DCPS: variants seen among roughly 807,000 people sequenced by gnomAD.
The protein encoded by DCPS is m7GpppX diphosphatase.
DCPS carries 27 observed loss-of-function variants against 34.7 expected under a neutral mutation model. The observed-to-expected ratio is 0.78, with a 90% CI of 0.57 to 1.07. DCPS has a LOEUF of 1.07. Among genes scored for constraint, DCPS ranks in the 50% least tolerant of loss-of-function variants. The pLI is 0.00. For synonymous variants in DCPS, 185 were observed against 185.7 expected, an observed-to-expected ratio of 1.00 and a Z score of 0.03; for missense variants, 464 against 436.9, an observed-to-expected ratio of 1.06 and a Z score of -0.55.
chr11:126,307,683 A>G (rs1000568598), intron 2 of DCPS, among the ~76,000 whole-genome samples: 1 of 152,200 alleles, frequency 6.6e-6, no homozygotes, highest in Non-Finnish European at 1.5e-5. Flanking sequence ...CTGGGATTAC[A>G]GGTGTGAGCC....
Position 126,306,598 on chromosome 11 carries a change from G to A in DCPS, c.230G>A (p.Gly77Glu), listed in dbSNP as rs1951569297. 2.5e-6 allele frequency: 4 copies of A among 1,612,140 alleles called. No homozygotes were observed. The South Asian group carries it at 3.3e-5, about 13-fold the overall frequency. ...KVNEASGDGD[G>E]EDAVVILEKT... ...AATGAGGCCTCTGGGGATGGGGATGGAGAGGATGCCGTTGTGATCCTGGAG... is the reference window on the plus strand; with the variant it reads ...AATGAGGCCTCTGGGGATGGGGATGAAGAGGATGCCGTTGTGATCCTGGAG... Residue 77 changes from glycine to glutamate, a missense_variant, in exon 2 of 6, where the codon GGA becomes GAA. Gly to Glu is a moderately conservative substitution (Grantham distance 98, BLOSUM62 -2). Coordinates refer to ENST00000263579, the MANE Select transcript of DCPS (RefSeq NM_014026.6).
At chr11:126,307,965 C>G (rs1403456591) in intron 2 of DCPS, among the ~76,000 whole-genome samples, 1 of 152,144 alleles carries the variant, frequency 6.6e-6, no homozygotes, top group Non-Finnish European at 1.5e-5. Flanking sequence ...GTGGGCCGGC[C>G]AGTGTGTCTG....
At position 126,349,501 on chromosome 11, in the gene DCPS, T is replaced by C. The variant is rs35887873; in HGVS notation, c.*3888T>C. Among the ~76,000 whole-genome samples, 32,280 of 152,212 alleles carry C rather than the reference T, an allele frequency of 0.21. 3,727 individuals are homozygous for C. The highest frequency in any genetic ancestry group is 0.27 in the African/African-American group (11,192 of 41,520). On this transcript the variant is annotated 3_prime_UTR_variant, in exon 6 of 6. Transcript: ENST00000263579. The surrounding 1 kb of genome is among the most constrained non-coding windows in gnomAD (Gnocchi z 5.4). ...AACTTTCCTAATAGAGCAAAATTGC[T>C]GAGTGGTCTCTATTTACCAACATGA...
intron 1 of DCPS, 78 bp downstream of exon 1, chr11:126,304,359 C>T: frequency 1.4e-6 from 2 of 1,440,444 alleles, no homozygotes; most frequent in Non-Finnish European, 9.7e-7. Flanking sequence ...TTTTTTTTTT[C>T]GGATCTCGGC....
chr11:126,313,423 A>G lies in DCPS; in HGVS notation c.376+6679A>G, dbSNP rs1390560220. Among the ~76,000 whole-genome samples, 1 of 152,196 alleles carries G rather than the reference A, an allele frequency of 6.6e-6. No individual in the cohort carries two copies. Among genetic ancestry groups the G allele is most frequent in the Non-Finnish European group, 1.5e-5 (1 of 68,050 alleles). ...GCTTGGTAGCATTGTTAATGATAGAACAAACTAGAAACAATCAAATAACAG... is the reference window on the plus strand; with the variant it reads ...GCTTGGTAGCATTGTTAATGATAGAGCAAACTAGAAACAATCAAATAACAG... On this transcript the variant is annotated intron_variant, in intron 2 of 5. Coordinates refer to ENST00000263579, the MANE Select transcript of DCPS (RefSeq NM_014026.6). The surrounding 1 kb of genome is among the most constrained non-coding windows in gnomAD (Gnocchi z 4.9).
In DCPS at chr11:126,333,025, T is replaced by C. The variant is rs1458175266; in HGVS notation, c.522+1475T>C. On this transcript the variant is annotated intron_variant, in intron 3 of 5. Transcript: ENST00000263579. This position sits in a 1 kb window ranked among gnomAD's most constrained non-coding sequence, Gnocchi z 5.7. ...CCTGGCTACTTTTTTGTATTTTTAG[T>C]AGAGATGGGGTTTTGCCATGTTGCT... Among the ~76,000 whole-genome samples, 1 of 152,146 alleles carries C rather than the reference T, an allele frequency of 6.6e-6. No homozygotes were observed. Among genetic ancestry groups the C allele is most frequent in the African/African-American group, 2.4e-5 (1 of 41,438 alleles).
At chr11:126,330,008 C>T (rs1400075181) in intron 2 of DCPS, among the ~76,000 whole-genome samples, 1 of 152,064 alleles carries the variant, frequency 6.6e-6, no homozygotes, top group East Asian at 1.9e-4. Flanking sequence ...TGTTAAAACA[C>T]AATGTATACA....
intron 2 of DCPS, among the ~76,000 whole-genome samples, chr11:126,314,986 AT>A (rs1409836397): frequency 1.3e-5 from 2 of 152,170 alleles, no homozygotes; most frequent in East Asian, 1.9e-4. Flanking sequence ...AAATAAAAAA[AT>A]AAAAAAATTT....
rs780707438 is a variant in DCPS at position 126,328,688 on chromosome 11, C to A, written c.377-2717C>A. ...GGGTGACCCTGCCCGCAGAACCCGG[C>A]TGCTCTCCAGCGCCCGCTCTGCCTC... On this transcript the variant is annotated intron_variant, in intron 2 of 5. Coordinates refer to ENST00000263579, the MANE Select transcript of DCPS (RefSeq NM_014026.6). The surrounding 1 kb of genome is among the most constrained non-coding windows in gnomAD (Gnocchi z 6.6). Among the ~76,000 whole-genome samples, 3 of 152,192 alleles carry A rather than the reference C, an allele frequency of 2.0e-5. No individual in the cohort carries two copies. The highest frequency in any genetic ancestry group is 7.2e-5 in the African/African-American group (3 of 41,454).
Position 126,345,671 on chromosome 11 carries a change from T to G in DCPS, c.*58T>G. 6.4e-7 allele frequency: 1 copy of G among 1,571,488 alleles called. No individual in the cohort carries two copies. Among genetic ancestry groups the G allele is most frequent in the Non-Finnish European group, 8.6e-7 (1 of 1,161,084 alleles). ...GATTGGGGGAGGAGTGGGGACAAGA[T>G]TTTTTATCTCCAAGTGAATTTTCTA... On this transcript the variant is annotated 3_prime_UTR_variant, in exon 6 of 6. Transcript: ENST00000263579. The surrounding 1 kb of genome is among the most constrained non-coding windows in gnomAD (Gnocchi z 7.4).
At position 126,329,438 on chromosome 11, in the gene DCPS, A is replaced by G. The variant is rs1295507848; in HGVS notation, c.377-1967A>G. ...TCTAAGACGTTAAGCCCCATGCCCAAGGGTACACAGCCAGTATGGAGAGTC... is the reference window on the plus strand; with the variant it reads ...TCTAAGACGTTAAGCCCCATGCCCAGGGGTACACAGCCAGTATGGAGAGTC... On this transcript the variant is annotated intron_variant, in intron 2 of 5. Coordinates refer to ENST00000263579, the MANE Select transcript of DCPS (RefSeq NM_014026.6). The surrounding 1 kb of genome is among the most constrained non-coding windows in gnomAD (Gnocchi z 5.0). Among the ~76,000 whole-genome samples, 1 of 152,198 alleles carries G rather than the reference A, an allele frequency of 6.6e-6. No individual in the cohort carries two copies. The highest frequency in any genetic ancestry group is 2.4e-5 in the African/African-American group (1 of 41,452).
At position 126,345,543 on chromosome 11, in the gene DCPS, G is replaced by T. The variant is rs73019443; in HGVS notation, c.944G>T (p.Arg315Leu). 45 of 1,613,708 alleles carry T rather than the reference G, an allele frequency of 2.8e-5. No individual in the cohort carries two copies. The African/African-American group carries it at 5.6e-4, about 20-fold the overall frequency. ...TGTGACCCTAGGCACTACCAGCAGC[G>T]CACGCTCACCTTCGCCCTCAGGGCT... ...LECDPRHYQQ[R>L]TLTFALRADD... Residue 315 changes from arginine to leucine, a missense_variant, in exon 6 of 6, where the codon CGC (arginine) becomes CTC (leucine). Coordinates refer to ENST00000263579, the MANE Select transcript of DCPS (RefSeq NM_014026.6). This position sits in a 1 kb window ranked among gnomAD's most constrained non-coding sequence, Gnocchi z 7.4.
intron 2 of DCPS, among the ~76,000 whole-genome samples, chr11:126,330,729 T>A (rs1425988296): frequency 6.8e-5 from 4 of 58,986 alleles, no homozygotes; most frequent in African/African-American, 1.8e-4. Flanking sequence ...ATTTTTTTTT[T>A]TTTTTTTTTT....
At chr11:126,311,617 C>G (rs1022938892) in intron 2 of DCPS, among the ~76,000 whole-genome samples, 1 of 152,178 alleles carries the variant, frequency 6.6e-6, no homozygotes, top group Non-Finnish European at 1.5e-5. Context: ...GAGGGGAGAA[C>G]ACTCTGGGCT....
rs1015370597 is a variant in DCPS at position 126,328,535 on chromosome 11, G to T, written c.377-2870G>T. Among the ~76,000 whole-genome samples the T allele has an allele frequency of 3.9e-5, 6 of 152,130 alleles. No individual in the cohort carries two copies. The highest frequency in any genetic ancestry group is 1.4e-4 in the African/African-American group (6 of 41,428). On this transcript the variant is annotated intron_variant, in intron 2 of 5. Transcript: ENST00000263579. This position sits in a 1 kb window ranked among gnomAD's most constrained non-coding sequence, Gnocchi z 6.6. Reference sequence around the variant, plus strand: ...GCGGGAGGGGCTGGCTGGGTGAGACGCCAGTTTCCCTGCACCCTGGGTGGC... The same window carrying T: ...GCGGGAGGGGCTGGCTGGGTGAGACTCCAGTTTCCCTGCACCCTGGGTGGC...
chr11:126,342,511 G>A lies in DCPS; in HGVS notation c.637-796G>A, dbSNP rs1241740548. Among the ~76,000 whole-genome samples, 2 of 152,058 alleles carry A rather than the reference G, an allele frequency of 1.3e-5. No homozygotes were observed. The highest frequency in any genetic ancestry group is 6.5e-5 in the Admixed American group (1 of 15,274). ...CTATGCCCTATACATTCTTGCCTCC[G>A]AGTCTTTGCTCTGTTTCCTCTACCT... is the stretch of plus-strand genomic sequence containing the variant. On this transcript the variant is annotated intron_variant, in intron 4 of 5. Transcript: ENST00000263579. This position sits in a 1 kb window ranked among gnomAD's most constrained non-coding sequence, Gnocchi z 4.4.
At chr11:126,304,348 T>G in intron 1 of DCPS, 67 bp downstream of exon 1, 1 of 999,970 alleles carries the variant, frequency 1.0e-6, no homozygotes, top group Non-Finnish European at 1.4e-6. Flanking sequence ...CGGAGGCAGA[T>G]TTTTTTTTTT....
chr11:126,310,345 T>G (rs1951610256), intron 2 of DCPS, among the ~76,000 whole-genome samples: 1 of 152,240 alleles, frequency 6.6e-6, no homozygotes. Context: ...TCCGATGCGC[T>G]AATGTACTTA....
rs764775669 is a variant in DCPS at position 126,322,823 on chromosome 11, A to G, written c.377-8582A>G. 2.6e-5 allele frequency among the ~76,000 whole-genome samples: 4 copies of G among 152,136 alleles called. No individual in the cohort carries two copies. The highest frequency in any genetic ancestry group is 5.9e-5 in the Non-Finnish European group (4 of 68,020). Reference sequence around the variant, plus strand: ...TGGCCAGTCTATCCTAAAATTCTTTAGCAAGAAGCAAAAAAATTTTTTTGA... The same window carrying G: ...TGGCCAGTCTATCCTAAAATTCTTTGGCAAGAAGCAAAAAAATTTTTTTGA... On this transcript the variant is annotated intron_variant, in intron 2 of 5. Coordinates refer to ENST00000263579, the MANE Select transcript of DCPS (RefSeq NM_014026.6). This position sits in a 1 kb window ranked among gnomAD's most constrained non-coding sequence, Gnocchi z 4.2.
Sources: allele counts gnomAD v4.1 joint callset (sites outside exome capture counted in the v4.1 genomes callset), GRCh38; gene constraint gnomAD v4.1.1; non-coding constraint Gnocchi (gnomAD v3.1); transcripts MANE v1.5; gene names NCBI Gene and HGNC (gene_info 2026-07-23, HGNC 2026-07-21).